The following MZT2A variants were observed in gnomAD, a reference collection of about 807,000 sequenced individuals.
MZT2A encodes mitotic-spindle organizing protein 2A.
Under a neutral mutation model 12.4 loss-of-function variants are expected in MZT2A, and 8 were observed. That is an observed-to-expected ratio of 0.64 (90% CI 0.38 to 1.16). MZT2A has a LOEUF of 1.16. Ranked by LOEUF, MZT2A falls within the 50% of genes most tolerant of loss-of-function variation. MZT2A has a pLI of 0.01. For synonymous variants in MZT2A, 88 were observed against 107.5 expected, an observed-to-expected ratio of 0.82 and a Z score of 1.12; for missense variants, 181 against 223.6, an observed-to-expected ratio of 0.81 and a Z score of 1.22.
chr2:131,469,963 C>G (rs1704948828), intron 4 of MZT2A: 1 of 246,470 alleles, frequency 4.1e-6, no homozygotes, highest in Non-Finnish European at 7.8e-6. Flanking sequence ...AATACCATGC[C>G]TGGTTAATTT....
chr2:131,471,452 AAAAAAG>A (rs199630164), intron 3 of MZT2A, among the ~76,000 whole-genome samples: 1,682 of 132,420 alleles, frequency 0.013, 173 homozygotes, highest in African/African-American at 0.066. Flanking sequence ...TCAAAAAAAA[AAAAAAG>A]AAAAAAAGAA....
downstream of MZT2A, among the ~76,000 whole-genome samples, chr2:131,483,257 A>C (rs924174738): frequency 6.6e-6 from 1 of 152,122 alleles, no homozygotes; most frequent in African/African-American, 2.4e-5. Context: ...AGGTCTGTGG[A>C]TGGGGCTTGT....
At chr2:131,492,638 T>C (rs1424602946), upstream of MZT2A, 6 of 1,236,144 alleles carry the variant, frequency 4.9e-6, no homozygotes, top group Non-Finnish European at 6.1e-6. Context: ...AGGGCGTCCC[T>C]GATAGACTTG....
At chr2:131,489,004 C>T (rs1307381654) in intron 2 of MZT2A, among the ~76,000 whole-genome samples, 3 of 151,632 alleles carry the variant, frequency 2.0e-5, no homozygotes, top group Non-Finnish European at 2.9e-5. Flanking sequence ...TGTGCCCCCC[C>T]ACCTGCCTCC....
upstream of MZT2A, chr2:131,492,548 G>A: frequency 8.8e-7 from 1 of 1,135,760 alleles, no homozygotes; most frequent in Non-Finnish European, 1.1e-6. Flanking sequence ...AACAGTTAGT[G>A]GGCGCTCACG....
At chr2:131,483,901 G>A (rs1454013952), downstream of MZT2A, 20 of 1,389,880 alleles carry the variant, frequency 1.4e-5, no homozygotes, top group Non-Finnish European at 1.8e-5. Flanking sequence ...GACCGGCACA[G>A]AAACTTCATT....
At position 131,489,531 on chromosome 2, in the gene MZT2A, A is replaced by AT. The variant is rs10706209; in HGVS notation, c.319+2344dup. 131 of 149,098 alleles carry AT rather than the reference A, an allele frequency of 8.8e-4. 1 individual carries two copies. Among genetic ancestry groups the AT allele is most frequent in the African/African-American group, 2.7e-3 (109 of 40,858 alleles). The allele number at this position is 149,098 out of a possible 1,614,324, so 9.2% of individuals were successfully genotyped here. On this transcript the variant is annotated intron_variant, in intron 2 of 2. Transcript: ENST00000309451. Reference sequence around the variant, plus strand: ...AGGCACCTGCCACCATGCCTGGCTAATTTTTTTTTTGTATTTTTAGTAGAG... The same window carrying AT: ...AGGCACCTGCCACCATGCCTGGCTAATTTTTTTTTTTGTATTTTTAGTAGAG...
At chr2:131,480,476 G>A (rs758544787), downstream of MZT2A, 505 of 1,588,146 alleles carry the variant, frequency 3.2e-4, 21 homozygotes, top group Non-Finnish European at 1.0e-4. Flanking sequence ...ACCTAGTGCC[G>A]TACCCCCGCA....
chr2:131,492,621 G>A, upstream of MZT2A: 1 of 1,215,080 alleles, frequency 8.2e-7, no homozygotes, highest in Non-Finnish European at 1.0e-6. Context: ...CCAGCTGCTT[G>A]GCGGTCAGGG....
At chr2:131,493,454 C>T (rs1679430708), upstream of MZT2A, among the ~76,000 whole-genome samples, 1 of 152,172 alleles carries the variant, frequency 6.6e-6, no homozygotes, top group Admixed American at 6.5e-5. Context: ...GCCTTGGGCT[C>T]AACAGGCGGT....
At chr2:131,476,714 A>C (rs2463342) in intron 2 of MZT2A, among the ~76,000 whole-genome samples, 240 of 150,200 alleles carry the variant, frequency 1.6e-3, no homozygotes, top group African/African-American at 2.3e-3. Flanking sequence ...CGGGCGGATC[A>C]CCTGATGTCT....
chr2:131,480,395 C>A, downstream of MZT2A: 1 of 1,600,160 alleles, frequency 6.2e-7, no homozygotes, highest in Non-Finnish European at 8.5e-7. Context: ...TTGGGCAGAT[C>A]GTGTCCTCCA....
downstream of MZT2A, chr2:131,480,494 C>G: frequency 6.3e-7 from 1 of 1,590,766 alleles, no homozygotes. Context: ...GCATCCACTT[C>G]CCCCTGGCCA....
At chr2:131,485,121 G>A (rs1679004422) in intron 2 of MZT2A, among the ~76,000 whole-genome samples, 1 of 152,156 alleles carries the variant, frequency 6.6e-6, no homozygotes, top group Non-Finnish European at 1.5e-5. Flanking sequence ...GCCTTGGCCA[G>A]GGCTCTCCCC....
chr2:131,492,131 C>A (rs1679344237), intron 1 of MZT2A, 76 bp downstream of exon 1: 1 of 1,543,980 alleles, frequency 6.5e-7, no homozygotes, highest in East Asian at 2.4e-5. Flanking sequence ...TCCTCCCGAC[C>A]AGCGGGCCGG....
At chr2:131,493,646 C>A (rs139274942), upstream of MZT2A, among the ~76,000 whole-genome samples, 579 of 151,956 alleles carry the variant, frequency 3.8e-3, 3 homozygotes, top group African/African-American at 0.013. Context: ...TAGCGTTGCC[C>A]AAGGGCTGTC....
At chr2:131,483,448 A>T (rs1001024406), downstream of MZT2A, among the ~76,000 whole-genome samples, 1 of 152,192 alleles carries the variant, frequency 6.6e-6, no homozygotes, top group Non-Finnish European at 1.5e-5. Context: ...GCGTACACAC[A>T]GCAACCCTGT....
chr2:131,473,497 G>A (rs1341569232), intron 2 of MZT2A, among the ~76,000 whole-genome samples: 1 of 151,198 alleles, frequency 6.6e-6, no homozygotes, highest in African/African-American at 2.5e-5. Context: ...CACCCTCCAG[G>A]GAGATGCCAT....
chr2:131,492,811 C>A (rs1259228686), upstream of MZT2A: 11 of 1,435,460 alleles, frequency 7.7e-6, no homozygotes, highest in Admixed American at 4.2e-5. Flanking sequence ...AATCAACAAC[C>A]CTGCTTACGC....
Sources: allele counts gnomAD v4.1 joint callset (sites outside exome capture counted in the v4.1 genomes callset), GRCh38; gene constraint gnomAD v4.1.1; transcripts MANE v1.5; gene names NCBI Gene and HGNC (gene_info 2026-07-23, HGNC 2026-07-21).